ZNF438: variants seen among roughly 807,000 people sequenced by gnomAD.
The protein encoded by ZNF438 is zinc finger protein 438.
A neutral mutation model predicts 38.0 loss-of-function variants in ZNF438; 25 were observed. The observed-to-expected ratio is 0.66, with a 90% CI of 0.48 to 0.92. ZNF438 has a LOEUF of 0.92. Among genes scored for constraint, ZNF438 ranks in the 40% least tolerant of loss-of-function variants. The probability of loss-of-function intolerance (pLI) is 0.00; values close to 1 mark genes in which losing one functional copy is unlikely to be tolerated. For synonymous variants in ZNF438, 372 were observed against 364.1 expected (o/e 1.02, Z -0.25); for missense variants, 1,007 against 999.6 (o/e 1.01, Z -0.10).
intron 3 of ZNF438, among the ~76,000 whole-genome samples, chr10:30,906,919 G>C (rs1241585590): frequency 6.6e-6 from 1 of 151,966 alleles, no homozygotes; most frequent in Non-Finnish European, 1.5e-5. Flanking sequence ...ATTTGGTCTT[G>C]GTTTCTATGC....
intron 1 of ZNF438, among the ~76,000 whole-genome samples, chr10:30,975,610 T>C (rs2051252284): frequency 6.6e-6 from 1 of 152,248 alleles, no homozygotes; most frequent in South Asian, 2.1e-4. Flanking sequence ...TAATTTGGTA[T>C]CTTAATTTCA....
At chr10:30,951,551 T>A (rs1480443727) in intron 1 of ZNF438, among the ~76,000 whole-genome samples, 1 of 152,004 alleles carries the variant, frequency 6.6e-6, no homozygotes, top group Non-Finnish European at 1.5e-5. Flanking sequence ...TTCAGCAAAG[T>A]CTCAGGATAC....
At chr10:30,974,368 G>C (rs1158443430) in intron 1 of ZNF438, among the ~76,000 whole-genome samples, 1 of 152,138 alleles carries the variant, frequency 6.6e-6, no homozygotes, top group African/African-American at 2.4e-5. Flanking sequence ...AGCTACTCAG[G>C]GGACTGAGGT....
chr10:30,910,121 A>G (rs527354708), intron 2 of ZNF438, among the ~76,000 whole-genome samples: 1 of 152,252 alleles, frequency 6.6e-6, no homozygotes, highest in South Asian at 2.1e-4. Flanking sequence ...CTGGCTGCAC[A>G]AAGACTTCAG....
intron 1 of ZNF438, among the ~76,000 whole-genome samples, chr10:31,008,332 T>C (rs764103676): frequency 6.6e-6 from 1 of 152,240 alleles, no homozygotes; most frequent in Non-Finnish European, 1.5e-5. Context: ...TTTTGAAATA[T>C]ACAATTCCAT....
chr10:31,032,001 A>C (rs2057327824), upstream of ZNF438: 2 of 150,900 alleles, frequency 1.3e-5, no homozygotes, highest in Non-Finnish European at 3.0e-5. Context: ...AGCTCCACGC[A>C]CCTCCCCGTA....
chr10:30,850,408 T>C, intron 4 of ZNF438, 41 bp from the exon 6 acceptor site: 1 of 1,572,316 alleles, frequency 6.4e-7, no homozygotes, highest in South Asian at 1.2e-5. Flanking sequence ...TGTATGTAAC[T>C]GTTCTGTTAG....
chr10:30,979,058 T>A (rs933018875), intron 1 of ZNF438, among the ~76,000 whole-genome samples: 2 of 152,222 alleles, frequency 1.3e-5, no homozygotes, highest in African/African-American at 4.8e-5. Context: ...AAAGCCTGGA[T>A]GACAGCATGT....
At chr10:30,972,168 A>C (rs572858334) in intron 1 of ZNF438, among the ~76,000 whole-genome samples, 1 of 152,128 alleles carries the variant, frequency 6.6e-6, no homozygotes, top group South Asian at 2.1e-4. Context: ...ACGGGGTTTC[A>C]CCTTGTTAGC....
At chr10:31,009,568 A>C (rs551408368) in intron 1 of ZNF438, among the ~76,000 whole-genome samples, 171 of 152,220 alleles carry the variant, frequency 1.1e-3, no homozygotes, top group Non-Finnish European at 1.7e-3. Context: ...ACGTGCATCC[A>C]TGAACATGAT....
intron 1 of ZNF438, among the ~76,000 whole-genome samples, chr10:30,978,667 T>C (rs957405929): frequency 3.9e-5 from 6 of 152,194 alleles, no homozygotes; most frequent in African/African-American, 1.4e-4. Flanking sequence ...TTTGTCACCA[T>C]ACAGTAAATT....
intron 4 of ZNF438, among the ~76,000 whole-genome samples, chr10:30,852,807 G>T (rs984264483): frequency 2.6e-5 from 4 of 152,184 alleles, no homozygotes; most frequent in Non-Finnish European, 5.9e-5. Flanking sequence ...TTCTGAGTTT[G>T]GTTACCGTGA....
chr10:30,905,208 G>A (rs916174044), intron 3 of ZNF438, among the ~76,000 whole-genome samples: 18 of 152,062 alleles, frequency 1.2e-4, no homozygotes, highest in Non-Finnish European at 1.9e-4. Flanking sequence ...ATTGTTTTCC[G>A]AACAAATTTT....
At chr10:30,959,225 CT>C (rs2049194057) in intron 1 of ZNF438, among the ~76,000 whole-genome samples, 2 of 146,974 alleles carry the variant, frequency 1.4e-5, no homozygotes, top group African/African-American at 4.9e-5. Flanking sequence ...TGCATTTAGA[CT>C]GTTAGACTTT....
chr10:30,895,575 T>G (rs1003667337), intron 3 of ZNF438, among the ~76,000 whole-genome samples: 3 of 152,092 alleles, frequency 2.0e-5, no homozygotes, highest in Non-Finnish European at 4.4e-5. Flanking sequence ...AAAAGGCAAC[T>G]TATAGAATGA....
At chr10:30,857,510 C>T (rs190215310) in intron 4 of ZNF438, among the ~76,000 whole-genome samples, 39 of 152,296 alleles carry the variant, frequency 2.6e-4, no homozygotes, top group Non-Finnish European at 4.1e-4. Context: ...CCGCCTTGGC[C>T]TCCCAAAGTG....
intron 1 of ZNF438, among the ~76,000 whole-genome samples, chr10:31,014,834 ATG>A (rs1589728073): frequency 9.3e-6 from 1 of 107,380 alleles, no homozygotes; most frequent in Non-Finnish European, 1.9e-5. Context: ...TTATATATAA[ATG>A]TGTGTGTATG....
intron 2 of ZNF438, among the ~76,000 whole-genome samples, chr10:30,939,529 T>C (rs928356257): frequency 1.3e-5 from 2 of 152,248 alleles, no homozygotes; most frequent in Admixed American, 1.3e-4. Context: ...CCCACCCATG[T>C]GAAAGGATAG....
At chr10:31,014,808 A>G (rs555678454) in intron 1 of ZNF438, among the ~76,000 whole-genome samples, 45 of 152,128 alleles carry the variant, frequency 3.0e-4, no homozygotes, top group African/African-American at 1.1e-3. Flanking sequence ...TAAATATGTC[A>G]TTCTTACTGT....
Sources: allele counts gnomAD v4.1 joint callset (sites outside exome capture counted in the v4.1 genomes callset), GRCh38; gene constraint gnomAD v4.1.1; transcripts MANE v1.5; gene names NCBI Gene and HGNC (gene_info 2026-07-23, HGNC 2026-07-21).